SLF1: variants seen among roughly 807,000 people sequenced by gnomAD.
SLF1 encodes SMC5/6 complex localization factor 1.
SLF1 carries 105 observed loss-of-function variants against 123.0 expected under a neutral mutation model. The ratio of observed to expected loss-of-function variants is 0.85; its 90% confidence interval spans 0.73 to 1.00. SLF1 has a LOEUF of 1.00. Among genes scored for constraint, SLF1 ranks in the 50% least tolerant of loss-of-function variants. The pLI is 0.00. For missense variants in SLF1, 1,239 were observed against 1,223.0 expected, an observed-to-expected ratio of 1.01 and a Z score of -0.20; for synonymous variants, 434 against 406.6, an observed-to-expected ratio of 1.07 and a Z score of -0.81.
rs140191160 is a variant in SLF1 at position 94,636,710 on chromosome 5, A to ATTTTTTT, written c.431+5986_431+5992dup. Among the ~76,000 whole-genome samples, 61 of 75,480 alleles carry ATTTTTTT rather than the reference A, an allele frequency of 8.1e-4. 3 individuals are homozygous for ATTTTTTT. Among genetic ancestry groups the ATTTTTTT allele is most frequent in the East Asian group, 1.2e-3 (3 of 2,534 alleles). The allele number at this position is 75,480 out of a possible 152,430, so 49.5% of individuals were successfully genotyped here. ...ATCTGTATGTTCTTGTATTTTACTG[A>ATTTTTTT]TTTTTTTTTTTTTTTTTTTTTTTTT... On this transcript the variant is annotated intron_variant, in intron 4 of 20. Transcript: ENST00000265140.
intron 4 of SLF1, among the ~76,000 whole-genome samples, chr5:94,638,327 C>T (rs941823512): frequency 2.6e-5 from 4 of 152,074 alleles, no homozygotes; most frequent in African/African-American, 7.2e-5. Flanking sequence ...TACAGGTGCC[C>T]GCCACCACGC....
chr5:94,697,109 A>C lies in SLF1; in HGVS notation c.*1797A>C, dbSNP rs1014002876. 22 of 151,824 alleles carry C rather than the reference A, an allele frequency of 1.4e-4. No individual in the cohort carries two copies. The highest frequency in any genetic ancestry group is 5.1e-4 in the African/African-American group (21 of 41,404). 9.4% of individuals were successfully genotyped at this position (151,824 alleles called of 1,614,324 possible). On this transcript the variant is annotated 3_prime_UTR_variant, in exon 21 of 21. Transcript: ENST00000265140. ...ATTGCAATTAGCATTAATATTTCAT[A>C]ATTGACTGCTCTGTCTGCCAACTTC... is the stretch of plus-strand genomic sequence containing the variant.
chr5:94,624,498 A>G (rs1340699803), intron 1 of SLF1, among the ~76,000 whole-genome samples: 1 of 152,330 alleles, frequency 6.6e-6, no homozygotes, highest in South Asian at 2.1e-4. Context: ...TTAATAATTT[A>G]TACATGAAAC....
intron 1 of SLF1, among the ~76,000 whole-genome samples, chr5:94,623,527 T>C (rs1271913071): frequency 6.6e-6 from 1 of 151,988 alleles, no homozygotes; most frequent in Non-Finnish European, 1.5e-5. Context: ...GTATCTTCTG[T>C]ATGAATGCTC....
intron 15 of SLF1, 128 bp downstream of exon 15, chr5:94,679,083 G>C: frequency 2.0e-6 from 2 of 1,015,188 alleles, no homozygotes; most frequent in Non-Finnish European, 2.9e-6. Context: ...ATGGATGCAC[G>C]CACACATAGA....
intron 4 of SLF1, 58 bp downstream of exon 4, chr5:94,630,801 A>C (rs1167197279): frequency 1.3e-6 from 2 of 1,504,228 alleles, no homozygotes; most frequent in Non-Finnish European, 1.8e-6. Flanking sequence ...TTTGATTTGC[A>C]TGAGTACTTT....
intron 20 of SLF1, among the ~76,000 whole-genome samples, chr5:94,694,415 A>G (rs947871466): frequency 6.6e-6 from 1 of 151,946 alleles, no homozygotes; most frequent in Admixed American, 6.6e-5. Context: ...TTTATTAGCA[A>G]TGAAAGGGGC....
intron 15 of SLF1, among the ~76,000 whole-genome samples, chr5:94,679,599 A>C (rs1330211843): frequency 3.3e-5 from 5 of 152,100 alleles, no homozygotes; most frequent in Admixed American, 6.5e-5. Flanking sequence ...CTCTTTAAAA[A>C]AAAAAACAAA....
intron 4 of SLF1, among the ~76,000 whole-genome samples, chr5:94,632,684 A>C (rs970765997): frequency 1.3e-5 from 2 of 151,490 alleles, no homozygotes; most frequent in Non-Finnish European, 2.9e-5. Context: ...AATATGTTGA[A>C]TTATACTTGT....
intron 4 of SLF1, among the ~76,000 whole-genome samples, chr5:94,634,613 C>T (rs574614018): frequency 1.3e-5 from 2 of 152,170 alleles, no homozygotes; most frequent in East Asian, 3.9e-4. Context: ...ACTTGACTGT[C>T]GTGAATAATG....
At chr5:94,691,543 T>G (rs772989782) in intron 18 of SLF1, 21 bp from the exon 19 acceptor site, 49 of 1,586,758 alleles carry the variant, frequency 3.1e-5, no homozygotes, top group Non-Finnish European at 4.1e-5. Context: ...TCTGGAATAA[T>G]CTATTAATTT....
rs971705363 is a variant in SLF1 at position 94,678,030 on chromosome 5, T to C, written c.1828-778T>C. 9.2e-5 allele frequency among the ~76,000 whole-genome samples: 14 copies of C among 152,122 alleles called. No individual in the cohort carries two copies. The East Asian group carries it at 2.5e-3, about 27-fold the overall frequency. On this transcript the variant is annotated intron_variant, in intron 14 of 20. Transcript: ENST00000265140. ...CCGCCTCCCGGGTTCACGCCATTCT[T>C]CTGCCTCAGCCTCCCGAGTAGCTGG...
At chr5:94,658,382 G>T (rs927658787) in intron 9 of SLF1, among the ~76,000 whole-genome samples, 81 of 151,846 alleles carry the variant, frequency 5.3e-4, no homozygotes, top group African/African-American at 1.8e-3. Context: ...CATTATTTTT[G>T]AAGGATAGGT....
chr5:94,627,923 G>C (rs1029654812), intron 1 of SLF1, among the ~76,000 whole-genome samples: 1 of 151,540 alleles, frequency 6.6e-6, no homozygotes, highest in Non-Finnish European at 1.5e-5. Flanking sequence ...TCTGCCTCCC[G>C]GGTTCAAGCG....
At chr5:94,679,463 A>C (rs1751506261) in intron 15 of SLF1, among the ~76,000 whole-genome samples, 2 of 152,004 alleles carry the variant, frequency 1.3e-5, no homozygotes, top group African/African-American at 4.8e-5. Flanking sequence ...GACGTGGTCT[A>C]TGCTAGTAGT....
intron 18 of SLF1, 58 bp from the exon 19 acceptor site, chr5:94,691,505 TA>T (rs1012925046): frequency 7.2e-7 from 1 of 1,397,100 alleles, no homozygotes; most frequent in South Asian, 1.2e-5. Flanking sequence ...GCCCTTTGAT[TA>T]TTTTTTTTAG....
At chr5:94,656,009 G>A (rs1379766365) in intron 9 of SLF1, among the ~76,000 whole-genome samples, 2 of 151,964 alleles carry the variant, frequency 1.3e-5, no homozygotes, top group Non-Finnish European at 2.9e-5. Flanking sequence ...GTAAAAGTAG[G>A]CATTCTTTTC....
At chr5:94,662,796 G>T (rs1456190705) in intron 10 of SLF1, among the ~76,000 whole-genome samples, 1 of 152,210 alleles carries the variant, frequency 6.6e-6, no homozygotes, top group African/African-American at 2.4e-5. Flanking sequence ...ATTAGGGAGG[G>T]AATCGGGCTT....
intron 5 of SLF1, among the ~76,000 whole-genome samples, chr5:94,644,964 T>C (rs148572644): frequency 1.4e-4 from 22 of 152,322 alleles, no homozygotes; most frequent in African/African-American, 4.8e-4. Context: ...TCTTCCAAAA[T>C]TACATGTAAT....
Sources: gnomAD v4.1 joint callset for allele counts (sites outside exome capture counted in the v4.1 genomes callset) on GRCh38, gnomAD v4.1.1 for gene constraint, MANE v1.5 for transcripts, NCBI Gene and HGNC (gene_info 2026-07-23, HGNC 2026-07-21) for gene names.